NEMF: variants seen among roughly 807,000 people sequenced by gnomAD.
NEMF encodes ribosome quality control complex subunit NEMF.
Under a neutral mutation model 162.2 loss-of-function variants are expected in NEMF, and 89 were observed. The ratio of observed to expected loss-of-function variants is 0.55; its 90% CI spans 0.46 to 0.65. NEMF has a LOEUF of 0.65. Among genes scored for constraint, NEMF ranks in the 30% least tolerant of loss-of-function variants. The pLI, the probability that NEMF is intolerant of heterozygous loss-of-function variation, is 0.00. For missense variants in NEMF, 1,133 were observed against 1,261.9 expected (o/e 0.90, Z 1.55); for synonymous variants, 421 against 404.5 (o/e 1.04, Z -0.49).
In NEMF at chr14:49,782,740, GAA is replaced by G; in HGVS notation, c.*1894_*1895del. The G allele has an allele frequency of 3.4e-6, 5 of 1,472,532 alleles. No individual in the cohort carries two copies. Among genetic ancestry groups the G allele is most frequent in the Non-Finnish European group, 3.7e-6 (4 of 1,081,928 alleles). The allele number at this position is 1,472,532 out of a possible 1,614,324, so 91.2% of individuals were successfully genotyped here. A position where few individuals can be genotyped will look rare whatever the true frequency, so the allele number is the denominator to read the frequency against. ...GTTCCTATGAAAATCTTTGAAGAAAGAAAGAGGGATGTTTTATGTAGTTTTTC... is the reference window on the plus strand; with the variant it reads ...GTTCCTATGAAAATCTTTGAAGAAAGAGAGGGATGTTTTATGTAGTTTTTC... On this transcript the variant is annotated 3_prime_UTR_variant, in exon 33 of 33. Transcript: ENST00000298310.
intron 16 of NEMF, chr14:49,820,512 T>C (rs1891952910): frequency 4.4e-6 from 2 of 456,356 alleles, no homozygotes; most frequent in African/African-American, 4.0e-5. Flanking sequence ...CTCATGCCTA[T>C]AATCCCGGCA....
chr14:49,797,140 G>A (rs1890727071), intron 25 of NEMF, among the ~76,000 whole-genome samples: 1 of 152,122 alleles, frequency 6.6e-6, no homozygotes, highest in African/African-American at 2.4e-5. Flanking sequence ...ATCTAGCACA[G>A]GGCTATGTGC....
chr14:49,852,767 G>A lies in NEMF; in HGVS notation c.-14C>T, dbSNP rs1322612482. The A allele has an allele frequency of 3.1e-6, 5 of 1,614,028 alleles. No individual in the cohort carries two copies. Among genetic ancestry groups the A allele is most frequent in the South Asian group, 1.1e-5 (1 of 91,090 alleles). ...GCGGCTCTTCATGGCGAGGCCCGAG[G>A]GTCACTACCGCAAGTTCCTCTACTG... On this transcript the variant is annotated 5_prime_UTR_variant, in exon 1 of 33. Transcript: ENST00000298310.
At chr14:49,809,224 C>G (rs1891356319) in intron 18 of NEMF, among the ~76,000 whole-genome samples, 1 of 152,164 alleles carries the variant, frequency 6.6e-6, no homozygotes, top group Non-Finnish European at 1.5e-5. Context: ...AAAACCTGCA[C>G]AGATGTTTAT....
chr14:49,834,218 A>C, intron 7 of NEMF, 145 bp downstream of exon 7: 1 of 620,320 alleles, frequency 1.6e-6, no homozygotes, highest in Admixed American at 2.6e-5. Flanking sequence ...AGCCTCCCAA[A>C]GTGCTGGGAT....
At chr14:49,852,389 G>A (rs900746000) in intron 1 of NEMF, among the ~76,000 whole-genome samples, 6 of 152,178 alleles carry the variant, frequency 3.9e-5, no homozygotes, top group Admixed American at 3.9e-4. Flanking sequence ...CTGGCGTCTC[G>A]TGTTTTAACA....
intron 4 of NEMF, among the ~76,000 whole-genome samples, chr14:49,844,572 G>A (rs532529485): frequency 6.6e-6 from 1 of 151,994 alleles, no homozygotes; most frequent in East Asian, 1.9e-4. Flanking sequence ...TGAAGGCCTG[G>A]GACATTACTG....
chr14:49,840,610 T>G (rs1339137043), intron 5 of NEMF, 108 bp downstream of exon 5: 1 of 880,594 alleles, frequency 1.1e-6, no homozygotes, highest in Non-Finnish European at 1.7e-6. Context: ...TTCTTTCACG[T>G]TCTGACATAT....
At chr14:49,818,665 G>C (rs1226976328) in intron 16 of NEMF, among the ~76,000 whole-genome samples, 1 of 152,058 alleles carries the variant, frequency 6.6e-6, no homozygotes, top group Non-Finnish European at 1.5e-5. Flanking sequence ...AAGATCTCTG[G>C]ACAAGGGTAA....
In NEMF at chr14:49,785,456, A is replaced by ACTT. The variant is rs555405775; in HGVS notation, c.2929-139_2929-137dup. On this transcript the variant is annotated intron_variant, in intron 29 of 32. Coordinates refer to ENST00000298310, the MANE Select transcript of NEMF (RefSeq NM_004713.6). ...ATACCATCTAAGCTGGAACAGTGGT[A>ACTT]CTTAAACTCTGCTTCATAGTTCCAA... 2.2e-3 allele frequency: 1,411 copies of ACTT among 643,514 alleles called. 29 individuals are homozygous for ACTT. The highest frequency in any genetic ancestry group is 0.022 in the South Asian group (1,199 of 54,874). The allele number at this position is 643,514 out of a possible 1,614,324, so 39.9% of individuals were successfully genotyped here. A position where few individuals can be genotyped will look rare whatever the true frequency, so the allele number is the denominator to read the frequency against.
intron 16 of NEMF, chr14:49,820,098 C>T: frequency 4.6e-6 from 1 of 218,996 alleles, no homozygotes; most frequent in South Asian, 5.4e-5. Context: ...TCTACAGGCA[C>T]AAGCCACCAC....
Position 49,785,296 on chromosome 14 carries a change from C to T in NEMF, c.2953G>A (p.Gly985Ser), listed in dbSNP as rs761925992. The change falls in exon 30 of 33, where the codon GGC (glycine) becomes AGC (serine). Residue 985 changes from glycine to serine, a missense_variant. Around this residue, in one of 3 missense-constraint regions of NEMF, gnomAD observed 532 missense variants for 578.6 expected, o/e 0.92. Coordinates refer to ENST00000298310, the MANE Select transcript of NEMF (RefSeq NM_004713.6). ...NEENLFDSLT[G>S]QPHPEDVLLF... ...AGTACATCTTCAGGATGTGGCTGGC[C>T]TGTCAAAGAATCAAATAGGTTTTCC... 7.4e-6 allele frequency: 12 copies of T among 1,613,702 alleles called. No homozygotes were observed. The highest frequency in any genetic ancestry group is 1.0e-5 in the Non-Finnish European group (12 of 1,179,788).
At chr14:49,833,584 G>A in intron 7 of NEMF, 88 bp from the exon 8 acceptor site, 1 of 781,790 alleles carries the variant, frequency 1.3e-6, no homozygotes, top group Non-Finnish European at 2.0e-6. Flanking sequence ...AAACAGGAAA[G>A]TGCTTACAAA....
chr14:49,843,605 G>C (rs1482240746), intron 4 of NEMF, among the ~76,000 whole-genome samples: 1 of 152,206 alleles, frequency 6.6e-6, no homozygotes, highest in Non-Finnish European at 1.5e-5. Flanking sequence ...TCGTGTGAAC[G>C]TAATAGAGTA....
Position 49,821,440 on chromosome 14 carries a change from G to A in NEMF, c.1577+4427C>T, listed in dbSNP as rs1287707520. Among the ~76,000 whole-genome samples, 18 of 8,672 alleles carry A rather than the reference G, an allele frequency of 2.1e-3. 8 individuals carry two copies. The highest frequency in any genetic ancestry group is 2.2e-3 in the African/African-American group (18 of 8,048). The allele number at this position is 8,672 out of a possible 152,430, so 5.7% of individuals were successfully genotyped here. A position where few individuals can be genotyped will look rare whatever the true frequency, so the allele number is the denominator to read the frequency against. On this transcript the variant is annotated intron_variant, in intron 16 of 32. Coordinates refer to ENST00000298310, the MANE Select transcript of NEMF (RefSeq NM_004713.6). ...GGCTCAGCCCCCCGCCCGGCCAGCCGCCCCGTCCGGGAGGGAGGTGGGGGG... is the reference window on the plus strand; with the variant it reads ...GGCTCAGCCCCCCGCCCGGCCAGCCACCCCGTCCGGGAGGGAGGTGGGGGG...
chr14:49,835,847 T>C (rs995949170), intron 6 of NEMF, among the ~76,000 whole-genome samples: 66 of 152,308 alleles, frequency 4.3e-4, no homozygotes, highest in African/African-American at 1.6e-3. Flanking sequence ...TAGAAATCAA[T>C]TGTATTTCTA....
intron 18 of NEMF, among the ~76,000 whole-genome samples, chr14:49,812,508 T>C (rs1891524775): frequency 6.6e-6 from 1 of 152,202 alleles, no homozygotes; most frequent in African/African-American, 2.4e-5. Context: ...ATTTGAGATC[T>C]TTCTTCTTTT....
At position 49,814,857 on chromosome 14, in the gene NEMF, C is replaced by T; in HGVS notation, c.1578G>A (p.Trp526Ter). The T allele has an allele frequency of 6.5e-7, 1 of 1,540,644 alleles. No homozygotes were observed. Among genetic ancestry groups the T allele is most frequent in the Non-Finnish European group, 8.8e-7 (1 of 1,139,584 alleles). Reference protein sequence around the residue: ...TSIQKARKVYWFEKFLWFISS... With the variant: ...TSIQKARKVY ...TAATGAACCACAGAAATTTCTCAAACCTATCAAAATGAAAGAAAAAAAGTT... is the reference window on the plus strand; with the variant it reads ...TAATGAACCACAGAAATTTCTCAAATCTATCAAAATGAAAGAAAAAAAGTT... The change falls in exon 17 of 33, where the codon TGG becomes TGA. Residue 526 changes from tryptophan (W) to a stop codon, truncating the protein, a stop_gained and splice_region_variant. Transcript: ENST00000298310. LOFTEE classifies it high-confidence loss of function.
At chr14:49,809,472 A>G (rs995715566) in intron 18 of NEMF, among the ~76,000 whole-genome samples, 1 of 152,204 alleles carries the variant, frequency 6.6e-6, no homozygotes, top group East Asian at 1.9e-4. Flanking sequence ...CAGGGCACAG[A>G]GGACTTTTTT....
Sources: allele counts gnomAD v4.1 joint callset (sites outside exome capture counted in the v4.1 genomes callset), GRCh38; gene constraint gnomAD v4.1.1; regional missense constraint gnomAD v4.1.1; transcripts MANE v1.5; gene names NCBI Gene and HGNC (gene_info 2026-07-23, HGNC 2026-07-21).